LRRC4C: variants seen among roughly 807,000 people sequenced by gnomAD.
The protein encoded by LRRC4C is leucine rich repeat containing 4C, also known as leucine-rich repeat-containing protein 4C.
A neutral mutation model predicts 33.6 loss-of-function variants in LRRC4C; 5 were observed. The observed-to-expected ratio is 0.15, with a 90% CI of 0.08 to 0.31. The LOEUF (loss-of-function observed/expected upper bound fraction) is 0.31. LRRC4C is among the 10% of genes least tolerant of loss of function. The probability of loss-of-function intolerance (pLI) is 1.00; values close to 1 mark genes in which losing one functional copy is unlikely to be tolerated. For missense variants in LRRC4C, 560 were observed against 796.7 expected, an observed-to-expected ratio of 0.70 and a Z score of 3.58; for synonymous variants, 329 against 302.0, an observed-to-expected ratio of 1.09 and a Z score of -0.93.
chr11:40,664,989 TG>T (rs1186818733), intron 2 of LRRC4C, among the ~76,000 whole-genome samples: 2 of 146,472 alleles, frequency 1.4e-5, no homozygotes, highest in East Asian at 4.3e-4. Flanking sequence ...GTGATCTCAT[TG>T]TTCAATTCCC....
intron 1 of LRRC4C, among the ~76,000 whole-genome samples, chr11:41,378,030 C>A (rs889376662): frequency 6.6e-6 from 1 of 152,028 alleles, no homozygotes; most frequent in Non-Finnish European, 1.5e-5. Flanking sequence ...GAAAGGCGGG[C>A]AGTGGGGGTA....
intron 1 of LRRC4C, among the ~76,000 whole-genome samples, chr11:41,282,158 G>A (rs1431085037): frequency 6.6e-6 from 1 of 152,214 alleles, no homozygotes; most frequent in Non-Finnish European, 1.5e-5. Flanking sequence ...GCTGGAGAAC[G>A]GGGGATGCCC....
chr11:40,638,645 T>C (rs1941913735), intron 3 of LRRC4C, among the ~76,000 whole-genome samples: 2 of 152,132 alleles, frequency 1.3e-5, no homozygotes, highest in African/African-American at 4.8e-5. Flanking sequence ...GAAGTTCTAC[T>C]TTTTTCCACA....
intron 1 of LRRC4C, among the ~76,000 whole-genome samples, chr11:41,441,612 G>GT (rs1324181737): frequency 3.8e-4 from 15 of 39,228 alleles, no homozygotes; most frequent in Admixed American, 1.5e-3. Flanking sequence ...TTTTTTTCCA[G>GT]TTAAAAAAAA....
intron 5 of LRRC4C, among the ~76,000 whole-genome samples, chr11:40,240,272 A>G (rs1865844591): frequency 6.6e-6 from 1 of 152,210 alleles, no homozygotes; most frequent in African/African-American, 2.4e-5. Flanking sequence ...CATTCACATT[A>G]TATCATTAGA....
At chr11:40,982,072 T>C (rs985339995) in intron 1 of LRRC4C, among the ~76,000 whole-genome samples, 1 of 152,174 alleles carries the variant, frequency 6.6e-6, no homozygotes, top group African/African-American at 2.4e-5. Flanking sequence ...CCCAAAATAT[T>C]ACTGGATAAA....
chr11:41,423,370 G>T (rs951015810), intron 1 of LRRC4C, among the ~76,000 whole-genome samples: 2 of 152,002 alleles, frequency 1.3e-5, no homozygotes, highest in East Asian at 3.9e-4. Context: ...TGGATCACTG[G>T]TTTTTAAACT....
intron 4 of LRRC4C, among the ~76,000 whole-genome samples, chr11:40,276,860 T>C (rs1367705878): frequency 2.0e-5 from 3 of 151,986 alleles, no homozygotes; most frequent in East Asian, 3.9e-4. Context: ...AGGAAACTGA[T>C]TGGGGGCATT....
intron 1 of LRRC4C, among the ~76,000 whole-genome samples, chr11:41,450,316 G>A (rs1205129239): frequency 6.6e-6 from 1 of 151,668 alleles, no homozygotes; most frequent in Non-Finnish European, 1.5e-5. Flanking sequence ...GGCAATAATT[G>A]GTAAAAGAGA....
chr11:40,519,227 C>A (rs1955702684), intron 3 of LRRC4C, among the ~76,000 whole-genome samples: 1 of 151,970 alleles, frequency 6.6e-6, no homozygotes, highest in Non-Finnish European at 1.5e-5. Flanking sequence ...TACCCCAGAA[C>A]TTAAAGTATA....
At chr11:40,811,574 T>G (rs1201458290) in intron 2 of LRRC4C, among the ~76,000 whole-genome samples, 1 of 152,170 alleles carries the variant, frequency 6.6e-6, no homozygotes, top group African/African-American at 2.4e-5. Flanking sequence ...CTCAGCTCAC[T>G]GCAACCTCTG....
chr11:40,306,747 G>T (rs188147677), intron 4 of LRRC4C, among the ~76,000 whole-genome samples: 1 of 152,106 alleles, frequency 6.6e-6, no homozygotes, highest in Non-Finnish European at 1.5e-5. Context: ...TGATTGCCAC[G>T]CCCACGTTCA....
At chr11:40,560,450 G>A (rs571921398) in intron 3 of LRRC4C, among the ~76,000 whole-genome samples, 2 of 152,000 alleles carry the variant, frequency 1.3e-5, no homozygotes, top group Admixed American at 6.6e-5. Context: ...GTTTGTGTGT[G>A]TGTGTGTGTG....
intron 2 of LRRC4C, among the ~76,000 whole-genome samples, chr11:40,788,050 C>T (rs911109519): frequency 3.9e-5 from 6 of 152,272 alleles, no homozygotes; most frequent in African/African-American, 1.2e-4. Flanking sequence ...GGAGGTAATC[C>T]TATTCCGATT....
intron 1 of LRRC4C, among the ~76,000 whole-genome samples, chr11:41,055,176 G>C (rs1210107469): frequency 6.6e-6 from 1 of 151,746 alleles, no homozygotes; most frequent in East Asian, 1.9e-4. Context: ...AATTTTTTTT[G>C]TGAATGAATC....
chr11:40,604,031 A>G (rs1960303286), intron 3 of LRRC4C, among the ~76,000 whole-genome samples: 1 of 152,188 alleles, frequency 6.6e-6, no homozygotes, highest in South Asian at 2.1e-4. Context: ...ATACCCACGT[A>G]TATTTGTATG....
chr11:40,249,463 TATTAA>T (rs1278743609), intron 4 of LRRC4C, among the ~76,000 whole-genome samples: 4 of 152,036 alleles, frequency 2.6e-5, no homozygotes, highest in Admixed American at 2.0e-4. Context: ...ACAAAGTGAC[TATTAA>T]ATTAAAGATG....
chr11:40,485,267 G>A (rs1159565164), intron 3 of LRRC4C, among the ~76,000 whole-genome samples: 2 of 146,854 alleles, frequency 1.4e-5, no homozygotes, highest in African/African-American at 2.5e-5. Flanking sequence ...ACACACACAC[G>A]TATTTGCCAT....
intron 2 of LRRC4C, among the ~76,000 whole-genome samples, chr11:40,760,689 C>G (rs1055797661): frequency 2.7e-5 from 4 of 150,586 alleles, no homozygotes; most frequent in African/African-American, 9.8e-5. Flanking sequence ...TGGCTCACTG[C>G]AACCTCTGCT....
Sources: gnomAD v4.1 joint callset for allele counts (sites outside exome capture counted in the v4.1 genomes callset) on GRCh38, gnomAD v4.1.1 for gene constraint, MANE v1.5 for transcripts, NCBI Gene and HGNC (gene_info 2026-07-23, HGNC 2026-07-21) for gene names.